The following PDE4D variants were observed in gnomAD, a reference collection of about 807,000 sequenced individuals.
PDE4D encodes phosphodiesterase 4D.
Under a neutral mutation model 87.4 loss-of-function variants are expected in PDE4D, and 24 were observed. The ratio of observed to expected loss-of-function variants is 0.27; its 90% CI spans 0.20 to 0.39. The LOEUF (loss-of-function observed/expected upper bound fraction) is 0.39. PDE4D is among the 10% of genes least tolerant of loss of function. The pLI is 1.00. For missense variants in PDE4D, 714 were observed against 1,041.0 expected (o/e 0.69, Z 4.32); for synonymous variants, 384 against 383.2 (o/e 1.00, Z -0.02).
chr5:60,192,174 A>T (rs979174054), intron 1 of PDE4D, among the ~76,000 whole-genome samples: 2 of 152,244 alleles, frequency 1.3e-5, no homozygotes, highest in East Asian at 3.9e-4. Context: ...CAAAATTGGA[A>T]ATAAAATTAT....
At chr5:58,995,563 C>T (rs1161661248) in intron 6 of PDE4D, among the ~76,000 whole-genome samples, 1 of 152,150 alleles carries the variant, frequency 6.6e-6, no homozygotes, top group African/African-American at 2.4e-5. Flanking sequence ...ATAGAAGTGT[C>T]TTCTATTTAG....
rs112975260 is a variant in PDE4D at position 59,334,381 on chromosome 5, C to T, written c.456-118413G>A. On this transcript the variant is annotated intron_variant, in intron 1 of 14. Transcript: ENST00000340635. Reference sequence around the variant, plus strand: ...TCAAGCAATTTTCCTGCCTCAGCCTCCCTAGTAGCTGGGACTACAGGAACC... The same window carrying T: ...TCAAGCAATTTTCCTGCCTCAGCCTTCCTAGTAGCTGGGACTACAGGAACC... Among the ~76,000 whole-genome samples, 805 of 151,090 alleles carry T rather than the reference C, an allele frequency of 5.3e-3. 9 individuals are homozygous for T. Among genetic ancestry groups the T allele is most frequent in the African/African-American group, 0.019 (765 of 41,120 alleles).
intron 1 of PDE4D, among the ~76,000 whole-genome samples, chr5:59,700,579 T>C (rs1169295073): frequency 6.6e-6 from 1 of 152,200 alleles, no homozygotes; most frequent in Non-Finnish European, 1.5e-5. Flanking sequence ...TATATAAATG[T>C]ATAGGCATAT....
chr5:59,824,747 A>T (rs1005225506), intron 1 of PDE4D, among the ~76,000 whole-genome samples: 2 of 152,114 alleles, frequency 1.3e-5, no homozygotes, highest in African/African-American at 4.8e-5. Context: ...GCATCCACTG[A>T]GCCCTTACAT....
chr5:59,626,612 C>T (rs1315588540), intron 1 of PDE4D, among the ~76,000 whole-genome samples: 2 of 151,946 alleles, frequency 1.3e-5, no homozygotes, highest in African/African-American at 4.8e-5. Context: ...TTTTTAAATG[C>T]TAAACTAAAA....
At chr5:59,253,793 T>G (rs148116719) in intron 1 of PDE4D, among the ~76,000 whole-genome samples, 14 of 152,178 alleles carry the variant, frequency 9.2e-5, no homozygotes, top group African/African-American at 2.6e-4. Flanking sequence ...TTCCTCCAGC[T>G]GGAAATCAAG....
intron 5 of PDE4D, among the ~76,000 whole-genome samples, chr5:59,099,966 C>T (rs1162456820): frequency 1.3e-5 from 2 of 152,192 alleles, no homozygotes; most frequent in African/African-American, 4.8e-5. Context: ...CTTTTATGTT[C>T]CAAGCTTCTT....
intron 3 of PDE4D, chr5:59,986,941 G>A (rs1018167678): frequency 6.6e-6 from 1 of 152,146 alleles, no homozygotes; most frequent in African/African-American, 2.4e-5. Context: ...ATTACTGGAG[G>A]AATTAAGTGT....
chr5:60,047,083 G>T (rs1386917304), intron 2 of PDE4D, among the ~76,000 whole-genome samples: 1 of 152,090 alleles, frequency 6.6e-6, no homozygotes, highest in Non-Finnish European at 1.5e-5. Context: ...ACTTCTTCCT[G>T]GTTTAGTCTT....
At chr5:59,471,244 C>CAAAAAG (rs563289102) in intron 1 of PDE4D, among the ~76,000 whole-genome samples, 4 of 151,900 alleles carry the variant, frequency 2.6e-5, no homozygotes, top group South Asian at 2.1e-4. Flanking sequence ...GGCCCTGTCT[C>CAAAAAG]AAAAAGAAAA....
intron 5 of PDE4D, among the ~76,000 whole-genome samples, chr5:59,165,455 T>C (rs145014210): frequency 0.022 from 3,334 of 152,088 alleles, 132 homozygotes; most frequent in African/African-American, 0.076. Flanking sequence ...TTTGTGTTTT[T>C]AGTAGAGACA....
intron 1 of PDE4D, among the ~76,000 whole-genome samples, chr5:60,363,019 G>A (rs148500990): frequency 1.4e-4 from 21 of 152,118 alleles, no homozygotes; most frequent in East Asian, 5.8e-4. Flanking sequence ...GCTTATCACC[G>A]GTTGCTTATC....
chr5:59,687,019 A>C (rs972843377), intron 1 of PDE4D, among the ~76,000 whole-genome samples: 3 of 152,154 alleles, frequency 2.0e-5, no homozygotes, highest in African/African-American at 4.8e-5. Context: ...CAAAATATTA[A>C]AGAAAGAAGC....
chr5:59,438,830 A>T (rs1376996375), intron 1 of PDE4D, among the ~76,000 whole-genome samples: 1 of 152,234 alleles, frequency 6.6e-6, no homozygotes, highest in East Asian at 1.9e-4. Flanking sequence ...CTCATAATAA[A>T]CTAAATCAGA....
At position 59,399,974 on chromosome 5, in the gene PDE4D, A is replaced by AT. The variant is rs1790271524; in HGVS notation, c.456-184007dup. On this transcript the variant is annotated intron_variant, in intron 1 of 14. Coordinates refer to ENST00000340635, the MANE Select transcript of PDE4D (RefSeq NM_001104631.2). ...AGACATTTATGCAGCCAAAAAACACATGAAAAAATGCTCACCATCACTGGC... is the reference window on the plus strand; with the variant it reads ...AGACATTTATGCAGCCAAAAAACACATTGAAAAAATGCTCACCATCACTGGC... Among the ~76,000 whole-genome samples, 2 of 116,520 alleles carry AT rather than the reference A, an allele frequency of 1.7e-5. 1 individual carries two copies. The highest frequency in any genetic ancestry group is 3.6e-5 in the Non-Finnish European group (2 of 55,640). The allele number at this position is 116,520 out of a possible 152,430, so 76.4% of individuals were successfully genotyped here. A position where few individuals can be genotyped will look rare whatever the true frequency, so the allele number is the denominator to read the frequency against.
intron 1 of PDE4D, among the ~76,000 whole-genome samples, chr5:59,570,170 C>T (rs1262774391): frequency 6.6e-6 from 1 of 151,920 alleles, no homozygotes; most frequent in African/African-American, 2.4e-5. Flanking sequence ...CTAGCCTTGT[C>T]TTATTCTTTA....
In PDE4D at chr5:59,963,114, G is replaced by A. The variant is rs116060313; in HGVS notation, c.272+25374C>T. ...CAAAAGCATCTAGGGATGATGGAGA[G>A]GGTCTTGACTTACAGGTTGCTGAGG... On this transcript the variant is annotated intron_variant, in intron 3 of 16. Coordinates refer to the PDE4D transcript ENST00000502484. Among the ~76,000 whole-genome samples, 513 of 152,230 alleles carry A rather than the reference G, an allele frequency of 3.4e-3. 4 individuals carry two copies. Among genetic ancestry groups the A allele is most frequent in the African/African-American group, 0.012 (496 of 41,542 alleles).
intron 1 of PDE4D, among the ~76,000 whole-genome samples, chr5:60,208,132 T>C (rs1198072870): frequency 6.6e-6 from 1 of 152,220 alleles, no homozygotes; most frequent in East Asian, 1.9e-4. Context: ...GGACAGATAC[T>C]AAGTTAATAA....
intron 6 of PDE4D, chr5:59,002,047 T>C (rs747507201): frequency 5.8e-6 from 3 of 516,982 alleles, no homozygotes; most frequent in Middle Eastern, 6.4e-4. Flanking sequence ...GCTGTTTCTT[T>C]CAGTTTATTC....
Sources: allele counts gnomAD v4.1 joint callset (sites outside exome capture counted in the v4.1 genomes callset), GRCh38; gene constraint gnomAD v4.1.1; transcripts MANE v1.5; gene names NCBI Gene and HGNC (gene_info 2026-07-23, HGNC 2026-07-21).